The following ENPEP variants were observed in gnomAD, a reference collection of about 807,000 sequenced individuals.
ENPEP encodes the protein AP-A.
A neutral mutation model predicts 114.5 loss-of-function variants in ENPEP; 103 were observed. That is an observed-to-expected ratio of 0.90 (90% CI 0.77 to 1.06). The LOEUF (loss-of-function observed/expected upper bound fraction) is 1.06, where lower values mean the gene tolerates loss of function less well. Ranked by LOEUF, ENPEP falls within the 50% of genes least tolerant of loss-of-function variation. ENPEP has a pLI of 0.00. For missense variants in ENPEP, 1,196 were observed against 1,161.3 expected (o/e 1.03, Z -0.43); for synonymous variants, 420 against 422.0 (o/e 1.00, Z 0.06).
Position 110,560,313 on chromosome 4 carries a change from C to T in ENPEP, c.2721+588C>T, listed in dbSNP as rs372653964. On this transcript the variant is annotated intron_variant, in intron 19 of 19. Transcript: ENST00000265162. Reference sequence around the variant, plus strand: ...AATCCTTTGGGTATATACCCAGTAACGGGATAGAATGAAACTATTTTTTCA... The same window carrying T: ...AATCCTTTGGGTATATACCCAGTAATGGGATAGAATGAAACTATTTTTTCA... 9.2e-5 allele frequency among the ~76,000 whole-genome samples: 14 copies of T among 152,132 alleles called. No homozygotes were observed. The East Asian group carries it at 2.5e-3, about 27-fold the overall frequency.
At chr4:110,495,266 G>A (rs1007854916) in intron 3 of ENPEP, among the ~76,000 whole-genome samples, 2 of 152,014 alleles carry the variant, frequency 1.3e-5, no homozygotes, top group Non-Finnish European at 2.9e-5. Flanking sequence ...TTTGGAAAAC[G>A]CAAAGTAGGA....
At chr4:110,515,237 G>A (rs1417419107) in intron 7 of ENPEP, 140 bp from the exon 8 acceptor site, 42 of 675,158 alleles carry the variant, frequency 6.2e-5, no homozygotes, top group African/African-American at 1.9e-5. Context: ...AAATCATAGA[G>A]CCATATAATT....
intron 10 of ENPEP, 45 bp from the exon 11 acceptor site, chr4:110,531,153 C>T: frequency 8.4e-7 from 1 of 1,185,830 alleles, no homozygotes; most frequent in Non-Finnish European, 1.1e-6. Flanking sequence ...GAAATTTTAT[C>T]TTTTAGTAAT....
intron 11 of ENPEP, among the ~76,000 whole-genome samples, chr4:110,537,868 A>G (rs1387889751): frequency 6.6e-6 from 1 of 152,224 alleles, no homozygotes; most frequent in Non-Finnish European, 1.5e-5. Flanking sequence ...CATTTCCATA[A>G]GAGCTCATGG....
chr4:110,563,849 A>C lies in ENPEP; in HGVS notation c.*2291A>C, dbSNP rs1727750502. The C allele has an allele frequency of 6.6e-6, 1 of 152,178 alleles. No individual in the cohort carries two copies. The highest frequency in any genetic ancestry group is 1.9e-4 in the East Asian group (1 of 5,192). 9.4% of individuals were successfully genotyped at this position (152,178 alleles called of 1,614,324 possible). A position where few individuals can be genotyped will look rare whatever the true frequency, so the allele number is the denominator to read the frequency against. On this transcript the variant is annotated 3_prime_UTR_variant, in exon 20 of 20. Coordinates refer to ENST00000265162, the MANE Select transcript of ENPEP (RefSeq NM_001977.4). ...ATAATAAAACATAGACGTAAAACTG[A>C]CAGGCAAGGGAGGTTTGGGAAACAG...
At position 110,510,238 on chromosome 4, in the gene ENPEP, A is replaced by AT. The variant is rs756891567; in HGVS notation, c.1195-4dup. The AT allele has an allele frequency of 6.2e-7, 1 of 1,609,316 alleles. No individual in the cohort carries two copies. The highest frequency in any genetic ancestry group is 8.5e-7 in the Non-Finnish European group (1 of 1,175,650). Reference sequence around the variant, plus strand: ...TGTAATTATCTCTTTATTGCTTATAATTTCAGTGGTTTGGAAATATTGTGA... The same window carrying AT: ...TGTAATTATCTCTTTATTGCTTATAATTTTCAGTGGTTTGGAAATATTGTGA... On this transcript the variant is annotated splice_region_variant and splice_polypyrimidine_tract_variant and intron_variant, in intron 5 of 19. Transcript: ENST00000265162.
At chr4:110,539,540 T>A (rs1311064364) in intron 11 of ENPEP, among the ~76,000 whole-genome samples, 2 of 152,122 alleles carry the variant, frequency 1.3e-5, no homozygotes, top group Admixed American at 1.3e-4. Context: ...ATTACTCGTG[T>A]CTTTCAGTTG....
intron 8 of ENPEP, among the ~76,000 whole-genome samples, chr4:110,516,753 A>G (rs1725785857): frequency 6.6e-6 from 1 of 152,190 alleles, no homozygotes; most frequent in Admixed American, 6.5e-5. Context: ...TAAAGTCAAG[A>G]TTTCGGAAAT....
At chr4:110,555,837 A>T (rs1165504781) in intron 18 of ENPEP, among the ~76,000 whole-genome samples, 1 of 152,002 alleles carries the variant, frequency 6.6e-6, no homozygotes, top group Non-Finnish European at 1.5e-5. Context: ...ATTTTTTTCA[A>T]ATTATTTAAA....
chr4:110,551,276 A>G (rs989748767), intron 17 of ENPEP, among the ~76,000 whole-genome samples: 2 of 152,116 alleles, frequency 1.3e-5, no homozygotes, highest in Non-Finnish European at 2.9e-5. Flanking sequence ...ACTTTAGTGC[A>G]ATTTCTGGAA....
In ENPEP at chr4:110,561,562, A is replaced by G; in HGVS notation, c.*4A>G. ...TAATTTACTTGAGAGTGGTTAATGT[A>G]TTCAAATGTTAGAGTTTAATTTTGT... On this transcript the variant is annotated 3_prime_UTR_variant, in exon 20 of 20. Transcript: ENST00000265162. 1.2e-6 allele frequency: 2 copies of G among 1,605,040 alleles called. No individual in the cohort carries two copies. The highest frequency in any genetic ancestry group is 1.7e-6 in the Non-Finnish European group (2 of 1,177,296).
chr4:110,564,267 C>T lies in ENPEP; in HGVS notation c.*2709C>T, dbSNP rs371315723. ...CTACAAAAGTTGTATTTGGCACCAG[C>T]CAGTATTTGAACCCAGGCAGTTTAT... is the stretch of plus-strand genomic sequence containing the variant. On this transcript the variant is annotated 3_prime_UTR_variant, in exon 20 of 20. Transcript: ENST00000265162. 3.4e-4 allele frequency: 51 copies of T among 152,192 alleles called. 3 individuals are homozygous for T. Among genetic ancestry groups the T allele is most frequent in the East Asian group, 1.4e-3 (7 of 5,180 alleles). The allele number at this position is 152,192 out of a possible 1,614,324, so 9.4% of individuals were successfully genotyped here.
chr4:110,545,183 C>T (rs957851237), intron 13 of ENPEP, among the ~76,000 whole-genome samples: 7 of 152,038 alleles, frequency 4.6e-5, no homozygotes, highest in Admixed American at 1.3e-4. Context: ...AACAAGTCTA[C>T]TGAGGTATTC....
At chr4:110,559,623 C>G in intron 18 of ENPEP, 24 bp from the exon 19 acceptor site, 1 of 1,540,820 alleles carries the variant, frequency 6.5e-7, no homozygotes, top group African/African-American at 1.4e-5. Context: ...CTTACACTTC[C>G]TTTTACTCTA....
chr4:110,517,990 G>T (rs1222303397), intron 8 of ENPEP, among the ~76,000 whole-genome samples: 1 of 152,168 alleles, frequency 6.6e-6, no homozygotes, highest in Non-Finnish European at 1.5e-5. Context: ...GGCTATGAAT[G>T]GGAGTTCAAG....
intron 1 of ENPEP, among the ~76,000 whole-genome samples, chr4:110,480,456 C>T (rs1274589479): frequency 6.6e-6 from 1 of 152,028 alleles, no homozygotes; most frequent in Non-Finnish European, 1.5e-5. Context: ...GAGTGAGCTT[C>T]GTCATATGTG....
chr4:110,534,634 T>C (rs1489340304), intron 11 of ENPEP, among the ~76,000 whole-genome samples: 1 of 148,770 alleles, frequency 6.7e-6, no homozygotes, highest in East Asian at 2.1e-4. Context: ...CAGCCTCCCA[T>C]GTAGCTGGGA....
At chr4:110,519,765 A>G (rs763314022) in intron 8 of ENPEP, among the ~76,000 whole-genome samples, 20 of 152,214 alleles carry the variant, frequency 1.3e-4, no homozygotes, top group Non-Finnish European at 2.8e-4. Flanking sequence ...CATAAACTAA[A>G]TATGGTTTCC....
At chr4:110,547,420 T>G (rs1234191339) in intron 13 of ENPEP, among the ~76,000 whole-genome samples, 2 of 152,078 alleles carry the variant, frequency 1.3e-5, no homozygotes, top group African/African-American at 4.8e-5. Flanking sequence ...AGTCTTGAGT[T>G]GAGTTCCCTA....
Sources: allele counts gnomAD v4.1 joint callset (sites outside exome capture counted in the v4.1 genomes callset), GRCh38; gene constraint gnomAD v4.1.1; transcripts MANE v1.5; gene names NCBI Gene and HGNC (gene_info 2026-07-23, HGNC 2026-07-21).